GRID2: variants seen among roughly 807,000 people sequenced by gnomAD.
The protein encoded by GRID2 is glutamate receptor ionotropic, delta-2.
GRID2 carries 33 observed loss-of-function variants against 114.8 expected under a neutral mutation model. The observed-to-expected ratio is 0.29, with a 90% CI of 0.22 to 0.38. The LOEUF (loss-of-function observed/expected upper bound fraction) is 0.38. Ranked by LOEUF, GRID2 falls within the 10% of genes least tolerant of loss-of-function variation. The pLI, the probability that GRID2 is intolerant of heterozygous loss-of-function variation, is 1.00. For missense variants in GRID2, 1,184 were observed against 1,257.7 expected (o/e 0.94, Z 0.89); for synonymous variants, 505 against 449.9 (o/e 1.12, Z -1.55).
At chr4:93,368,056 A>T (rs1762509675) in intron 8 of GRID2, among the ~76,000 whole-genome samples, 1 of 152,146 alleles carries the variant, frequency 6.6e-6, no homozygotes, top group African/African-American at 2.4e-5. Context: ...GAATTCTATG[A>T]AGTATCAATG....
intron 2 of GRID2, among the ~76,000 whole-genome samples, chr4:92,953,972 A>C (rs1044094799): frequency 1.3e-5 from 2 of 152,062 alleles, no homozygotes; most frequent in African/African-American, 2.4e-5. Context: ...TATTTACTAA[A>C]TATTTTGTCC....
At chr4:93,471,499 C>G (rs968386389) in intron 11 of GRID2, among the ~76,000 whole-genome samples, 2 of 151,750 alleles carry the variant, frequency 1.3e-5, no homozygotes, top group East Asian at 3.9e-4. Context: ...AGATCCTAAC[C>G]GGATGATCTA....
intron 14 of GRID2, among the ~76,000 whole-genome samples, chr4:93,765,608 T>TTA (rs66550272): frequency 0.14 from 4,114 of 29,340 alleles, 80 homozygotes; most frequent in South Asian, 0.29. Context: ...AGGTGAGGTA[T>TTA]TATATATATA....
rs368889618 is a variant in GRID2 at position 92,590,254 on chromosome 4, A to C, written c.212A>C (p.Asp71Ala). Residue 71 changes from aspartate to alanine, a missense_variant, in exon 2 of 16, where the codon GAT becomes GCT. Coordinates refer to ENST00000282020, the MANE Select transcript of GRID2 (RefSeq NM_001510.4). ...ATCACATTTTCAGTGACGTTTGTTG[A>C]TGGCAACAACCCTTTCCAAGCAGTT... is the stretch of plus-strand genomic sequence containing the variant. ...EKITFSVTFV[D>A]GNNPFQAVQE... The C allele has an allele frequency of 6.4e-5, 104 of 1,613,472 alleles. No individual in the cohort carries two copies. Among genetic ancestry groups the C allele is most frequent in the African/African-American group, 1.6e-4 (12 of 75,036 alleles).
chr4:92,330,026 A>AGAGAGAGAGAGAGAGAGAGAG (rs1553924493), intron 1 of GRID2, among the ~76,000 whole-genome samples: 15 of 150,450 alleles, frequency 1.0e-4, no homozygotes, highest in African/African-American at 3.0e-4. Context: ...AGAGAGAGAG[A>AGAGAGAGAGAGAGAGAGAGAG]AACATGCTAG....
At chr4:93,367,201 T>A (rs200240150) in intron 8 of GRID2, among the ~76,000 whole-genome samples, 4 of 130,378 alleles carry the variant, frequency 3.1e-5, no homozygotes, top group Non-Finnish European at 5.0e-5. Flanking sequence ...TTTTTTTTTT[T>A]AAGTTTTTTT....
chr4:92,479,372 A>C (rs543085277), intron 1 of GRID2, among the ~76,000 whole-genome samples: 1 of 152,270 alleles, frequency 6.6e-6, no homozygotes, highest in South Asian at 2.1e-4. Flanking sequence ...AATTTTACCT[A>C]TTACAAACTG....
At chr4:92,704,701 A>ATCAATCTC (rs1553918654) in intron 2 of GRID2, among the ~76,000 whole-genome samples, 4 of 113,664 alleles carry the variant, frequency 3.5e-5, no homozygotes, top group African/African-American at 6.5e-5. Flanking sequence ...CAATCAATCA[A>ATCAATCTC]TCTCTCTCTC....
chr4:92,411,860 C>T (rs935297729), intron 1 of GRID2, among the ~76,000 whole-genome samples: 2 of 151,432 alleles, frequency 1.3e-5, no homozygotes, highest in Non-Finnish European at 2.9e-5. Context: ...CGCCCGCCAC[C>T]ACGCCCGGCT....
chr4:92,323,516 T>C (rs369433988), intron 1 of GRID2, among the ~76,000 whole-genome samples: 18 of 152,080 alleles, frequency 1.2e-4, no homozygotes, highest in African/African-American at 4.3e-4. Flanking sequence ...GATTGTGTGG[T>C]AGCCTGCATT....
chr4:92,440,536 G>T (rs1363305195), intron 1 of GRID2, among the ~76,000 whole-genome samples: 1 of 151,818 alleles, frequency 6.6e-6, no homozygotes, highest in Non-Finnish European at 1.5e-5. Context: ...GAAGGGAGGG[G>T]GCCTGAATAA....
At chr4:93,297,357 A>T (rs900092199) in intron 8 of GRID2, among the ~76,000 whole-genome samples, 1 of 152,244 alleles carries the variant, frequency 6.6e-6, no homozygotes, top group African/African-American at 2.4e-5. Flanking sequence ...TATAAGCATC[A>T]TAATTTTTAA....
At chr4:92,467,310 A>G (rs190760522) in intron 1 of GRID2, among the ~76,000 whole-genome samples, 2 of 152,086 alleles carry the variant, frequency 1.3e-5, no homozygotes, top group East Asian at 3.9e-4. Flanking sequence ...CACCTTATAT[A>G]TTATGTATTA....
At chr4:93,591,784 G>T (rs1738353391) in intron 13 of GRID2, among the ~76,000 whole-genome samples, 1 of 152,166 alleles carries the variant, frequency 6.6e-6, no homozygotes, top group South Asian at 2.1e-4. Flanking sequence ...CTTAGTCTTG[G>T]GAGAGTGTAT....
chr4:92,956,974 T>C (rs1284335594), intron 2 of GRID2, among the ~76,000 whole-genome samples: 1 of 152,226 alleles, frequency 6.6e-6, no homozygotes, highest in African/African-American at 2.4e-5. Flanking sequence ...TGAGGTATCT[T>C]TTAATGTATT....
intron 2 of GRID2, among the ~76,000 whole-genome samples, chr4:93,067,503 CA>C (rs1239851268): frequency 6.6e-6 from 1 of 151,970 alleles, no homozygotes; most frequent in Non-Finnish European, 1.5e-5. Flanking sequence ...GTTATTTCAT[CA>C]GGTTATAAGG....
rs538633814 is a variant in GRID2 at position 93,097,325 on chromosome 4, CAAAA to C, written c.529+12049_529+12052del. ...GAACAACCCATCAAATATTTGAAGA[CAAAA>C]AAGGTAAAGGAAAGGAAAAAGGAAA... On this transcript the variant is annotated intron_variant, in intron 3 of 15. Coordinates refer to ENST00000282020, the MANE Select transcript of GRID2 (RefSeq NM_001510.4). 3.2e-3 allele frequency among the ~76,000 whole-genome samples: 455 copies of C among 141,440 alleles called. 1 individual carries two copies. The highest frequency in any genetic ancestry group is 0.012 in the African/African-American group (443 of 38,056). 92.8% of individuals were successfully genotyped at this position (141,440 alleles called of 152,430 possible). A position where few individuals can be genotyped will look rare whatever the true frequency, so the allele number is the denominator to read the frequency against.
chr4:92,387,671 T>G (rs1359835923), intron 1 of GRID2, among the ~76,000 whole-genome samples: 1 of 151,948 alleles, frequency 6.6e-6, no homozygotes, highest in Non-Finnish European at 1.5e-5. Context: ...AAGCTCCCTC[T>G]GGTGGAGAAT....
At chr4:92,645,187 A>C (rs1731548017) in intron 2 of GRID2, among the ~76,000 whole-genome samples, 1 of 151,646 alleles carries the variant, frequency 6.6e-6, no homozygotes, top group Non-Finnish European at 1.5e-5. Context: ...GATCCAAATA[A>C]AATTTTCATA....
Sources: allele counts gnomAD v4.1 joint callset (sites outside exome capture counted in the v4.1 genomes callset), GRCh38; gene constraint gnomAD v4.1.1; transcripts MANE v1.5; gene names NCBI Gene and HGNC (gene_info 2026-07-23, HGNC 2026-07-21).